The following ZFHX3 variants were observed in gnomAD, a reference collection of about 807,000 sequenced individuals.
ZFHX3 encodes the protein zinc finger homeobox protein 3.
In ZFHX3, 42 loss-of-function variants were observed where a neutral mutation model predicts 279.1. That is an observed-to-expected ratio of 0.15 (90% CI 0.12 to 0.19). ZFHX3 has a LOEUF of 0.19. Among genes scored for constraint, ZFHX3 ranks in the 10% least tolerant of loss-of-function variants. The pLI is 1.00. For synonymous variants in ZFHX3, 2,293 were observed against 1,957.8 expected, an observed-to-expected ratio of 1.17 and a Z score of -4.52; for missense variants, 4,981 against 4,754.0, an observed-to-expected ratio of 1.05 and a Z score of -1.40.
At chr16:73,395,333 G>T (rs1037525738) in intron 3 of ZFHX3, among the ~76,000 whole-genome samples, 4 of 151,984 alleles carry the variant, frequency 2.6e-5, no homozygotes, top group Non-Finnish European at 4.4e-5. Flanking sequence ...GTGTGGAGGC[G>T]CTTGCCTGTA....
chr16:73,235,219 ACC>A (rs1567425898), intron 5 of ZFHX3, among the ~76,000 whole-genome samples: 1 of 151,914 alleles, frequency 6.6e-6, no homozygotes, highest in Non-Finnish European at 1.5e-5. Flanking sequence ...ACAGGTGCCC[ACC>A]ACCACGCCTG....
rs1254793112 is a variant in ZFHX3 at position 72,904,366 on chromosome 16, CAAAATAAA to C, written c.3217-14412_3217-14405del. 4.3e-3 allele frequency among the ~76,000 whole-genome samples: 571 copies of C among 132,260 alleles called. 6 individuals are homozygous for C. The South Asian group carries it at 0.045, about 10-fold the overall frequency. The allele number at this position is 132,260 out of a possible 152,430, so 86.8% of individuals were successfully genotyped here. A position where few individuals can be genotyped will look rare whatever the true frequency, so the allele number is the denominator to read the frequency against. On this transcript the variant is annotated intron_variant, in intron 3 of 9. Coordinates refer to ENST00000268489, the MANE Select transcript of ZFHX3 (RefSeq NM_006885.4). ...CTGGCAACAGAGTGAGATTCTGTCTCAAAATAAATAAATAAATAAATAAATAAATAAAT... is the reference window on the plus strand; with the variant it reads ...CTGGCAACAGAGTGAGATTCTGTCTCTAAATAAATAAATAAATAAATAAAT...
chr16:72,912,414 C>T (rs938602349), intron 3 of ZFHX3, among the ~76,000 whole-genome samples: 6 of 152,144 alleles, frequency 3.9e-5, no homozygotes, highest in Admixed American at 2.6e-4. Context: ...TAACATTAAG[C>T]GCTGGCCAAA....
chr16:72,820,223 C>A (rs2036748256), intron 5 of ZFHX3, among the ~76,000 whole-genome samples: 1 of 152,200 alleles, frequency 6.6e-6, no homozygotes, highest in South Asian at 2.1e-4. Context: ...TGGGCACACG[C>A]TGACCGGTGG....
chr16:72,810,269 T>C (rs2036403500), intron 7 of ZFHX3, among the ~76,000 whole-genome samples: 1 of 152,118 alleles, frequency 6.6e-6, no homozygotes, highest in Non-Finnish European at 1.5e-5. Flanking sequence ...CACTGCAACC[T>C]CTGCCTCCCG....
chr16:73,583,245 A>G (rs534778663), intron 2 of ZFHX3, among the ~76,000 whole-genome samples: 99 of 152,308 alleles, frequency 6.5e-4, no homozygotes, highest in African/African-American at 1.9e-3. Flanking sequence ...TCTATTCCAG[A>G]TGAATATGCT....
intron 2 of ZFHX3, chr16:73,483,429 A>G: frequency 2.2e-6 from 1 of 454,854 alleles, no homozygotes. Context: ...AAAGATGAGA[A>G]GGAGGTAATC....
chr16:73,287,219 G>C (rs1220906838), intron 4 of ZFHX3, among the ~76,000 whole-genome samples: 1 of 149,682 alleles, frequency 6.7e-6, no homozygotes, highest in Non-Finnish European at 1.5e-5. Context: ...GTGTGGGTTG[G>C]TGAGTGGCTG....
At chr16:73,854,862 G>T (rs374395177) in intron 1 of ZFHX3, among the ~76,000 whole-genome samples, 6 of 151,572 alleles carry the variant, frequency 4.0e-5, no homozygotes, top group African/African-American at 1.5e-4. Flanking sequence ...CAACTAGGTT[G>T]AGCACCGAGA....
At chr16:73,069,743 T>C (rs532354864) in intron 8 of ZFHX3, among the ~76,000 whole-genome samples, 3 of 152,214 alleles carry the variant, frequency 2.0e-5, no homozygotes, top group Admixed American at 6.5e-5. Context: ...AACCCACTCA[T>C]TTCTGAAAAA....
intron 1 of ZFHX3, among the ~76,000 whole-genome samples, chr16:72,994,725 A>G (rs1016294842): frequency 1.8e-4 from 27 of 152,296 alleles, no homozygotes; most frequent in African/African-American, 6.5e-4. Flanking sequence ...TATTATTTCT[A>G]ATTAGCACTT....
Position 72,857,927 on chromosome 16 carries a change from G to A in ZFHX3, c.3449-28068C>T, listed in dbSNP as rs566882388. 7.6e-4 allele frequency among the ~76,000 whole-genome samples: 116 copies of A among 152,312 alleles called. 1 individual carries two copies. The highest frequency in any genetic ancestry group is 2.7e-3 in the African/African-American group (113 of 41,568). ...CAGACAAAGGCAGGGTTTTCTTGCC[G>A]TTTCCAACACCTGACAGTGTGAACT... is the stretch of plus-strand genomic sequence containing the variant. On this transcript the variant is annotated intron_variant, in intron 4 of 9. Coordinates refer to ENST00000268489, the MANE Select transcript of ZFHX3 (RefSeq NM_006885.4).
intron 1 of ZFHX3, among the ~76,000 whole-genome samples, chr16:73,007,507 T>A (rs1157187044): frequency 1.6e-4 from 24 of 152,158 alleles, no homozygotes. Context: ...AGTGCAGTGG[T>A]GCGATCTCGG....
At chr16:72,974,232 T>C (rs201693176) in intron 1 of ZFHX3, among the ~76,000 whole-genome samples, 1 of 152,184 alleles carries the variant, frequency 6.6e-6, no homozygotes, top group East Asian at 1.9e-4. Flanking sequence ...ACAGCTGCTT[T>C]TCTCTGGGCC....
intron 1 of ZFHX3, among the ~76,000 whole-genome samples, chr16:73,776,640 C>T (rs1007355414): frequency 6.6e-6 from 1 of 152,180 alleles, no homozygotes; most frequent in African/African-American, 2.4e-5. Context: ...GGCTCTCACA[C>T]TAAGACCAGG....
At chr16:73,039,862 G>A (rs916719508) in intron 1 of ZFHX3, among the ~76,000 whole-genome samples, 2 of 152,090 alleles carry the variant, frequency 1.3e-5, no homozygotes, top group African/African-American at 2.4e-5. Flanking sequence ...AGATATCCAG[G>A]AGCAGGAGGG....
At chr16:73,085,417 C>A (rs1449582719) in intron 8 of ZFHX3, among the ~76,000 whole-genome samples, 2 of 152,104 alleles carry the variant, frequency 1.3e-5, no homozygotes, top group East Asian at 1.9e-4. Flanking sequence ...CACCACCACG[C>A]CCAGCTAATT....
rs138774272 is a variant in ZFHX3, at chr16:73,799,774, T to C, written c.-1608+91877A>G. Among the ~76,000 whole-genome samples, 15 of 152,250 alleles carry C rather than the reference T, an allele frequency of 9.9e-5. No homozygotes were observed. In the East Asian group the frequency reaches 2.7e-3, roughly 27 times the overall value. On this transcript the variant is annotated intron_variant, in intron 1 of 17. Coordinates refer to the ZFHX3 transcript ENST00000641206. ...TTTGAAATTGCTTCCAGCTAAGCTG[T>C]GAAGAATGTGGGAGACAAAAAGCAT...
At chr16:73,553,298 A>T (rs2020228734) in intron 2 of ZFHX3, among the ~76,000 whole-genome samples, 1 of 151,960 alleles carries the variant, frequency 6.6e-6, no homozygotes, top group Non-Finnish European at 1.5e-5. Context: ...TGGCTCATTG[A>T]ACTTCATTCT....
Sources: gnomAD v4.1 joint callset for allele counts (sites outside exome capture counted in the v4.1 genomes callset) on GRCh38, gnomAD v4.1.1 for gene constraint, MANE v1.5 for transcripts, NCBI Gene and HGNC (gene_info 2026-07-23, HGNC 2026-07-21) for gene names.